The following CREB5 variants were observed in gnomAD, a reference collection of about 807,000 sequenced individuals.
CREB5 encodes cyclic AMP-responsive element-binding protein 5.
CREB5 carries 19 observed loss-of-function variants against 57.1 expected under a neutral mutation model. The ratio of observed to expected loss-of-function variants is 0.33; its 90% CI spans 0.23 to 0.49. The LOEUF is 0.49. Among genes scored for constraint, CREB5 ranks in the 20% least tolerant of loss-of-function variants. CREB5 has a pLI of 0.99. For synonymous variants in CREB5, 238 were observed against 238.3 expected (o/e 1.00, Z 0.01); for missense variants, 579 against 671.6 (o/e 0.86, Z 1.52).
chr7:28,692,213 A>G (rs1801314119), intron 5 of CREB5, among the ~76,000 whole-genome samples: 1 of 149,224 alleles, frequency 6.7e-6, no homozygotes, highest in Non-Finnish European at 1.5e-5. Flanking sequence ...CAGCTGTGGA[A>G]TAAAGCACTG....
chr7:28,358,408 G>A (rs956389288), intron 1 of CREB5, among the ~76,000 whole-genome samples: 28 of 152,318 alleles, frequency 1.8e-4, no homozygotes, highest in Middle Eastern at 3.4e-3. Context: ...ACTTGTGGCT[G>A]GAGAGACCAC....
chr7:28,499,532 C>T lies in CREB5; in HGVS notation c.169+4533C>T, dbSNP rs114982896. Among the ~76,000 whole-genome samples the T allele has an allele frequency of 5.4e-3, 823 of 152,262 alleles. 5 individuals carry two copies. The highest frequency in any genetic ancestry group is 0.018 in the African/African-American group (757 of 41,544). On this transcript the variant is annotated intron_variant, in intron 3 of 10. Transcript: ENST00000357727. ...TTCCCGCAAGGTAAAACCCAATTGA[C>T]ATCTCATGTGGGAAGCCTAAGAAAG...
At chr7:28,685,773 G>A (rs1234082421) in intron 5 of CREB5, among the ~76,000 whole-genome samples, 1 of 150,432 alleles carries the variant, frequency 6.6e-6, no homozygotes, top group African/African-American at 2.5e-5. Context: ...GATGGCAGCT[G>A]TAGGGCCATC....
intron 7 of CREB5, among the ~76,000 whole-genome samples, chr7:28,733,097 C>A (rs1803755977): frequency 2.0e-5 from 3 of 152,070 alleles, no homozygotes; most frequent in Admixed American, 2.0e-4. Context: ...GTCCCCAGGA[C>A]AGAAGTGTTC....
chr7:28,560,975 T>C (rs202142690), intron 4 of CREB5, among the ~76,000 whole-genome samples: 1,575 of 23,084 alleles, frequency 0.068, 184 homozygotes, highest in East Asian at 0.28. Flanking sequence ...TGTGTGTGCG[T>C]GTGTGCGTGC....
At chr7:28,606,453 T>A (rs893056747) in intron 5 of CREB5, among the ~76,000 whole-genome samples, 2 of 152,204 alleles carry the variant, frequency 1.3e-5, no homozygotes, top group Middle Eastern at 3.2e-3. Context: ...TGGCAGATAT[T>A]TCTGGTGTGT....
chr7:28,393,285 C>T (rs569721136), intron 1 of CREB5, among the ~76,000 whole-genome samples: 3 of 152,300 alleles, frequency 2.0e-5, no homozygotes, highest in African/African-American at 7.2e-5. Context: ...TGACTCGTCT[C>T]TCAAAATCAT....
chr7:28,722,636 G>A (rs566214711), intron 6 of CREB5, among the ~76,000 whole-genome samples: 1 of 152,136 alleles, frequency 6.6e-6, no homozygotes, highest in Non-Finnish European at 1.5e-5. Context: ...AGATTTAGGG[G>A]GGTGCGTGGG....
At chr7:28,697,894 A>G (rs1562579592) in intron 5 of CREB5, among the ~76,000 whole-genome samples, 1 of 152,170 alleles carries the variant, frequency 6.6e-6, no homozygotes, top group Non-Finnish European at 1.5e-5. Flanking sequence ...CAGGTTCTTG[A>G]TTTTTAACAC....
At chr7:28,322,680 A>C (rs983531720) in intron 1 of CREB5, among the ~76,000 whole-genome samples, 1 of 151,828 alleles carries the variant, frequency 6.6e-6, no homozygotes, top group Non-Finnish European at 1.5e-5. Flanking sequence ...CCTACTTGTA[A>C]GTGAGAACAT....
chr7:28,531,722 T>C (rs1793738349), intron 4 of CREB5, among the ~76,000 whole-genome samples: 1 of 152,144 alleles, frequency 6.6e-6, no homozygotes, highest in South Asian at 2.1e-4. Context: ...GAGAGGGGTA[T>C]GGAGACCCTA....
intron 1 of CREB5, among the ~76,000 whole-genome samples, chr7:28,305,337 T>C (rs1785164262): frequency 6.6e-6 from 1 of 152,182 alleles, no homozygotes; most frequent in South Asian, 2.1e-4. Flanking sequence ...TCTTCTTCTC[T>C]GAATCTCTCA....
intron 1 of CREB5, among the ~76,000 whole-genome samples, chr7:28,467,100 C>T (rs1790613540): frequency 6.6e-6 from 1 of 152,208 alleles, no homozygotes; most frequent in South Asian, 2.1e-4. Flanking sequence ...ACAGTCACTA[C>T]TACCCAGTGC....
At chr7:28,324,770 C>T (rs1785553193) in intron 1 of CREB5, among the ~76,000 whole-genome samples, 1 of 152,200 alleles carries the variant, frequency 6.6e-6, no homozygotes, top group Admixed American at 6.5e-5. Context: ...ATCATCTTCA[C>T]GTGGATGTTT....
chr7:28,589,671 A>G lies in CREB5; in HGVS notation c.464+19134A>G, dbSNP rs569364351. 5.9e-5 allele frequency among the ~76,000 whole-genome samples: 9 copies of G among 152,336 alleles called. No homozygotes were observed. In the East Asian group the frequency reaches 1.7e-3, roughly 29 times the overall value. ...TGAGTATATTTCTGCCACTTTTCATATAGGATGTGATTTTCCTTTCTAGAG... is the reference window on the plus strand; with the variant it reads ...TGAGTATATTTCTGCCACTTTTCATGTAGGATGTGATTTTCCTTTCTAGAG... On this transcript the variant is annotated intron_variant, in intron 5 of 10. Coordinates refer to ENST00000357727, the MANE Select transcript of CREB5 (RefSeq NM_182898.4).
At chr7:28,758,969 T>C (rs1583682728) in intron 7 of CREB5, among the ~76,000 whole-genome samples, 2 of 152,254 alleles carry the variant, frequency 1.3e-5, no homozygotes, top group Non-Finnish European at 2.9e-5. Context: ...AGGAGGCCAA[T>C]GGAAGAGCAA....
rs192023306 is a variant in CREB5, at chr7:28,798,105, C to G, written c.703-6094C>G. ...TTCTGTGGTCAACCCAGAAACACTA[C>G]ATTTTGATACTTTCACATTTTTTTT... On this transcript the variant is annotated intron_variant, in intron 7 of 10. Coordinates refer to ENST00000357727, the MANE Select transcript of CREB5 (RefSeq NM_182898.4). Among the ~76,000 whole-genome samples the G allele has an allele frequency of 1.2e-3, 190 of 152,316 alleles. 3 individuals are homozygous for G. In the South Asian group the frequency reaches 0.02, roughly 16 times the overall value.
At chr7:28,756,214 G>T (rs73077862) in intron 7 of CREB5, among the ~76,000 whole-genome samples, 258 of 152,132 alleles carry the variant, frequency 1.7e-3, no homozygotes, top group Admixed American at 4.4e-3. Flanking sequence ...AAGGCAAGTC[G>T]CAGCCAAATG....
At chr7:28,699,562 T>C (rs1303350648) in intron 5 of CREB5, among the ~76,000 whole-genome samples, 1 of 152,186 alleles carries the variant, frequency 6.6e-6, no homozygotes, top group African/African-American at 2.4e-5. Flanking sequence ...CCAGGGAAGA[T>C]AGTGCATAAC....
Sources: gnomAD v4.1 joint callset for allele counts (sites outside exome capture counted in the v4.1 genomes callset) on GRCh38, gnomAD v4.1.1 for gene constraint, MANE v1.5 for transcripts, NCBI Gene and HGNC (gene_info 2026-07-23, HGNC 2026-07-21) for gene names.